Variants in KIAA0825 observed in about 807,000 individuals in gnomAD.
KIAA0825 encodes uncharacterized protein KIAA0825.
A neutral mutation model predicts 147.6 loss-of-function variants in KIAA0825; 119 were observed. The ratio of observed to expected loss-of-function variants is 0.81; its 90% CI spans 0.69 to 0.94. The LOEUF is 0.94. Among genes scored for constraint, KIAA0825 ranks in the 40% least tolerant of loss-of-function variants. The pLI is 0.00. For missense variants in KIAA0825, 1,381 were observed against 1,472.7 expected (o/e 0.94, Z 1.02); for synonymous variants, 470 against 518.1 (o/e 0.91, Z 1.26).
At chr5:94,613,330 G>A (rs1468209121) in intron 1 of KIAA0825, among the ~76,000 whole-genome samples, 1 of 152,032 alleles carries the variant, frequency 6.6e-6, no homozygotes, top group Non-Finnish European at 1.5e-5. Flanking sequence ...AGGAGTAGCT[G>A]GGATTACATG....
chr5:94,238,805 A>C (rs938260182), intron 20 of KIAA0825, among the ~76,000 whole-genome samples: 4 of 152,098 alleles, frequency 2.6e-5, no homozygotes, highest in African/African-American at 9.7e-5. Context: ...AGGCAGAGAA[A>C]TTACATAGCT....
chr5:94,297,299 A>G (rs1176246769), intron 20 of KIAA0825, among the ~76,000 whole-genome samples: 1 of 152,222 alleles, frequency 6.6e-6, no homozygotes, highest in African/African-American at 2.4e-5. Context: ...AAAATAACAT[A>G]TGATAGCACA....
chr5:94,341,408 G>C, intron 20 of KIAA0825, among the ~76,000 whole-genome samples: 1 of 152,280 alleles, frequency 6.6e-6, no homozygotes, highest in Non-Finnish European at 1.5e-5. Flanking sequence ...CATCATCATC[G>C]CTGCTATCTC....
rs1186709970 is a variant in KIAA0825 at position 94,574,843 on chromosome 5, A to T, written c.-2+7590T>A. Among the ~76,000 whole-genome samples the T allele has an allele frequency of 5.9e-5, 9 of 152,246 alleles. 1 individual carries two copies. In the South Asian group the frequency reaches 1.7e-3, roughly 28 times the overall value. ...TAAACTCAAGCAATCCTCCTGCCTC[A>T]GCCTCACAAATAGCTAGAATTAAAA... On this transcript the variant is annotated intron_variant, in intron 2 of 20. Transcript: ENST00000682413.
intron 5 of KIAA0825, among the ~76,000 whole-genome samples, chr5:94,503,641 T>C (rs1447324932): frequency 1.4e-5 from 2 of 144,210 alleles, no homozygotes; most frequent in African/African-American, 5.6e-5. Flanking sequence ...GCACTAACAC[T>C]ACTTCTCCAT....
chr5:94,237,896 A>G lies in KIAA0825; in HGVS notation c.3711-83772T>C, dbSNP rs549736890. Among the ~76,000 whole-genome samples, 4 of 152,278 alleles carry G rather than the reference A, an allele frequency of 2.6e-5. No individual in the cohort carries two copies. In the South Asian group the frequency reaches 6.2e-4, roughly 24 times the overall value. ...ACAGTGGTGAACAGTTTGAAAATAG[A>G]GCTTTTGAGTCTTCTGTATTCACTG... On this transcript the variant is annotated intron_variant, in intron 20 of 20. Transcript: ENST00000682413.
chr5:94,389,939 C>T (rs771177483), intron 18 of KIAA0825, among the ~76,000 whole-genome samples: 14 of 152,172 alleles, frequency 9.2e-5, no homozygotes, highest in Non-Finnish European at 1.9e-4. Flanking sequence ...TATATCCCAT[C>T]TGATAGACAT....
chr5:94,297,495 C>T (rs1365299288), intron 20 of KIAA0825, among the ~76,000 whole-genome samples: 2 of 152,070 alleles, frequency 1.3e-5, no homozygotes, highest in Non-Finnish European at 1.5e-5. Flanking sequence ...GATATTTAAT[C>T]ATTTACTGTT....
At chr5:94,376,606 C>CA (rs1167839078) in intron 20 of KIAA0825, among the ~76,000 whole-genome samples, 2 of 151,662 alleles carry the variant, frequency 1.3e-5, no homozygotes, top group Non-Finnish European at 2.9e-5. Context: ...ATAATCTCTG[C>CA]AAAAAACAAA....
intron 20 of KIAA0825, among the ~76,000 whole-genome samples, chr5:94,276,799 A>G (rs1253787765): frequency 6.6e-6 from 1 of 152,112 alleles, no homozygotes; most frequent in Non-Finnish European, 1.5e-5. Context: ...AAACAGCCTT[A>G]TGGCTAGGCA....
At chr5:94,489,834 C>T (rs1387883060) in intron 5 of KIAA0825, among the ~76,000 whole-genome samples, 39 of 146,046 alleles carry the variant, frequency 2.7e-4, no homozygotes, top group Admixed American at 1.5e-3. Context: ...TGCAGTGAGC[C>T]GAGATCATGC....
At chr5:94,154,294 C>T (rs925326551) in intron 20 of KIAA0825, among the ~76,000 whole-genome samples, 170 bp from the exon 21 acceptor site, 3 of 152,138 alleles carry the variant, frequency 2.0e-5, no homozygotes, top group Non-Finnish European at 2.9e-5. Context: ...ACTGCCCCCG[C>T]GGAGTGGGCC....
At chr5:94,531,335 T>A (rs1263363093) in intron 3 of KIAA0825, among the ~76,000 whole-genome samples, 1 of 152,058 alleles carries the variant, frequency 6.6e-6, no homozygotes, top group Non-Finnish European at 1.5e-5. Context: ...ATAGAACTAA[T>A]AATGACAGAA....
At chr5:94,452,904 A>T in intron 13 of KIAA0825, 55 bp downstream of exon 13, 1 of 966,752 alleles carries the variant, frequency 1.0e-6, no homozygotes, top group Non-Finnish European at 1.5e-6. Flanking sequence ...AATTTCTATT[A>T]AATTTTAAAA....
At position 94,152,903 on chromosome 5, in the gene KIAA0825, T is replaced by TATATATATA. The variant is rs1386044229; in HGVS notation, c.*1103_*1104insTATATATAT. 1.5e-4 allele frequency: 3 copies of TATATATATA among 20,242 alleles called. No individual in the cohort carries two copies. Among genetic ancestry groups the TATATATATA allele is most frequent in the African/African-American group, 3.4e-4 (2 of 5,864 alleles). 1.3% of individuals were successfully genotyped at this position (20,242 alleles called of 1,614,324 possible). On this transcript the variant is annotated 3_prime_UTR_variant, in exon 21 of 21. Coordinates refer to ENST00000682413, the MANE Select transcript of KIAA0825 (RefSeq NM_001145678.3). ...ATATATATATATATATATATATATA[T>TATATATATA]GGTTTCTCCCAGACGTTCTTAGACT...
intron 20 of KIAA0825, among the ~76,000 whole-genome samples, chr5:94,336,960 T>C (rs868462912): frequency 3.3e-5 from 5 of 152,282 alleles, no homozygotes; most frequent in African/African-American, 1.2e-4. Flanking sequence ...TAAGTATCAA[T>C]ACATTTAAAA....
chr5:94,380,392 T>C (rs1287704034), intron 20 of KIAA0825, among the ~76,000 whole-genome samples: 2 of 152,226 alleles, frequency 1.3e-5, no homozygotes, highest in African/African-American at 4.8e-5. Flanking sequence ...TGCATTCTTA[T>C]TCCTCATTTG....
chr5:94,412,037 T>C (rs1381320528), intron 15 of KIAA0825, among the ~76,000 whole-genome samples: 1 of 151,784 alleles, frequency 6.6e-6, no homozygotes, highest in Non-Finnish European at 1.5e-5. Flanking sequence ...AAGTAAGCCA[T>C]AGACAGGGAG....
chr5:94,594,820 T>G (rs751103904), intron 1 of KIAA0825: 27 of 463,336 alleles, frequency 5.8e-5, no homozygotes, highest in Middle Eastern at 7.0e-4. Context: ...ATGAGTGTTA[T>G]CATGTGTCAC....
Sources: allele counts gnomAD v4.1 joint callset (sites outside exome capture counted in the v4.1 genomes callset), GRCh38; gene constraint gnomAD v4.1.1; transcripts MANE v1.5; gene names NCBI Gene and HGNC (gene_info 2026-07-23, HGNC 2026-07-21).